Variants in CNTNAP2 observed in about 807,000 individuals in gnomAD.
The protein encoded by CNTNAP2 is contactin associated protein 2, also known as contactin-associated protein-like 2.
CNTNAP2 carries 98 observed loss-of-function variants against 155.2 expected under a neutral mutation model. The observed-to-expected ratio is 0.63, with a 90% CI of 0.54 to 0.75. The LOEUF is 0.75. CNTNAP2 is among the 30% of genes least tolerant of loss of function. The probability of loss-of-function intolerance (pLI) is 0.00; values close to 1 mark genes in which losing one functional copy is unlikely to be tolerated. For missense variants in CNTNAP2, 1,727 were observed against 1,688.1 expected (o/e 1.02, Z -0.40); for synonymous variants, 651 against 631.2 (o/e 1.03, Z -0.47).
At chr7:146,510,652 T>C (rs1797451839) in intron 1 of CNTNAP2, among the ~76,000 whole-genome samples, 1 of 152,188 alleles carries the variant, frequency 6.6e-6, no homozygotes, top group Non-Finnish European at 1.5e-5. Context: ...GGTTTGTTCT[T>C]CAATTTCTTT....
intron 13 of CNTNAP2, among the ~76,000 whole-genome samples, chr7:147,887,183 T>G (rs1338869832): frequency 6.6e-6 from 1 of 152,132 alleles, no homozygotes; most frequent in Non-Finnish European, 1.5e-5. Context: ...ATTTTTAAAA[T>G]GCATAAGGCC....
intron 3 of CNTNAP2, among the ~76,000 whole-genome samples, chr7:147,003,638 T>C: frequency 1.3e-5 from 2 of 152,018 alleles, no homozygotes; most frequent in East Asian, 3.9e-4. Context: ...ATATATAAGA[T>C]ATATATACAA....
chr7:147,052,573 A>G lies in CNTNAP2; in HGVS notation c.550+8519A>G, dbSNP rs147826454. 6.1e-3 allele frequency among the ~76,000 whole-genome samples: 922 copies of G among 152,230 alleles called. 7 individuals carry two copies. Among genetic ancestry groups the G allele is most frequent in the African/African-American group, 0.02 (848 of 41,570 alleles). ...TAATAATAGATGTTCAAACAGAGCTATAGACAGCAAATAACTCAGTGTTTT... is the reference window on the plus strand; with the variant it reads ...TAATAATAGATGTTCAAACAGAGCTGTAGACAGCAAATAACTCAGTGTTTT... On this transcript the variant is annotated intron_variant, in intron 4 of 23. Transcript: ENST00000361727.
At chr7:147,594,311 TG>T (rs1800789375) in intron 12 of CNTNAP2, among the ~76,000 whole-genome samples, 1 of 151,962 alleles carries the variant, frequency 6.6e-6, no homozygotes, top group Admixed American at 6.6e-5. Context: ...ATCTTGGGTT[TG>T]ATCTTCTGCT....
At chr7:147,177,612 T>G (rs942548432) in intron 8 of CNTNAP2, among the ~76,000 whole-genome samples, 1 of 152,200 alleles carries the variant, frequency 6.6e-6, no homozygotes, top group Non-Finnish European at 1.5e-5. Flanking sequence ...TCTAACACTT[T>G]AAGATAATAT....
intron 11 of CNTNAP2, among the ~76,000 whole-genome samples, chr7:147,553,742 C>T (rs1584808992): frequency 6.6e-6 from 1 of 151,978 alleles, no homozygotes; most frequent in Non-Finnish European, 1.5e-5. Flanking sequence ...AATCCCAGCA[C>T]TTTGGGAGGG....
chr7:146,631,242 T>A (rs1187496080), intron 1 of CNTNAP2, among the ~76,000 whole-genome samples: 1 of 152,108 alleles, frequency 6.6e-6, no homozygotes, highest in Non-Finnish European at 1.5e-5. Flanking sequence ...ACTGTGTTCT[T>A]AAAATATGAA....
chr7:147,802,169 T>A (rs1275679467), intron 13 of CNTNAP2, among the ~76,000 whole-genome samples: 25 of 138,922 alleles, frequency 1.8e-4, no homozygotes, highest in African/African-American at 5.8e-4. Flanking sequence ...GCTCCTCACA[T>A]CCCAGACGGG....
chr7:147,619,021 T>G (rs1284728921), intron 12 of CNTNAP2, among the ~76,000 whole-genome samples: 3 of 152,208 alleles, frequency 2.0e-5, no homozygotes, highest in African/African-American at 7.2e-5. Context: ...GTATGTTCCA[T>G]ACATGCCCAG....
At chr7:147,603,626 C>T (rs1156872023) in intron 12 of CNTNAP2, among the ~76,000 whole-genome samples, 3 of 150,846 alleles carry the variant, frequency 2.0e-5, no homozygotes, top group South Asian at 2.1e-4. Context: ...GAATCAATAT[C>T]GTGAAAATGG....
intron 19 of CNTNAP2, among the ~76,000 whole-genome samples, chr7:148,226,789 A>G (rs1795859976): frequency 6.6e-6 from 1 of 152,244 alleles, no homozygotes; most frequent in East Asian, 1.9e-4. Flanking sequence ...AACTATGCCA[A>G]TGTATAAAAC....
chr7:147,230,806 A>G (rs1415732699), intron 8 of CNTNAP2, among the ~76,000 whole-genome samples: 1 of 152,150 alleles, frequency 6.6e-6, no homozygotes, highest in African/African-American at 2.4e-5. Context: ...CTGAACTTTT[A>G]GATTCCACAT....
In CNTNAP2 at chr7:146,339,002, G is replaced by T. The variant is rs573690627; in HGVS notation, c.97+222029G>T. 2.0e-5 allele frequency among the ~76,000 whole-genome samples: 3 copies of T among 152,146 alleles called. No homozygotes were observed. The South Asian group carries it at 6.2e-4, about 32-fold the overall frequency. On this transcript the variant is annotated intron_variant, in intron 1 of 23. Coordinates refer to ENST00000361727, the MANE Select transcript of CNTNAP2 (RefSeq NM_014141.6). ...GTTCAAGACCAGCGTGGCCAACATG[G>T]TGAAACCCCTTCTCTAATAAAAAAA...
intron 1 of CNTNAP2, among the ~76,000 whole-genome samples, chr7:146,571,683 G>A (rs1798441677): frequency 6.6e-6 from 1 of 151,812 alleles, no homozygotes; most frequent in Non-Finnish European, 1.5e-5. Flanking sequence ...TTCTGCAGGC[G>A]ATAGTGTTGT....
In CNTNAP2 at chr7:147,224,594, T is replaced by C. The variant is rs1803479078; in HGVS notation, c.1349-75547T>C. On this transcript the variant is annotated intron_variant, in intron 8 of 23. Coordinates refer to ENST00000361727, the MANE Select transcript of CNTNAP2 (RefSeq NM_014141.6). ...TTCCAGGAAATCAAGTAAAGCAGAA[T>C]ATTATTAAGAAACCTTTAGTTAGAA... Among the ~76,000 whole-genome samples, 3 of 152,202 alleles carry C rather than the reference T, an allele frequency of 2.0e-5. No individual in the cohort carries two copies. The South Asian group carries it at 6.2e-4, about 32-fold the overall frequency.
intron 1 of CNTNAP2, among the ~76,000 whole-genome samples, chr7:146,661,951 A>AT (rs1159375362): frequency 6.6e-6 from 1 of 152,022 alleles, no homozygotes; most frequent in East Asian, 1.9e-4. Context: ...TGCTTTGCAT[A>AT]TTTGTCAGCA....
intron 14 of CNTNAP2, among the ~76,000 whole-genome samples, chr7:147,907,942 T>A (rs1232924609): frequency 6.6e-6 from 1 of 151,536 alleles, no homozygotes; most frequent in Non-Finnish European, 1.5e-5. Context: ...GCTAATTTTT[T>A]TTTTTTTGTA....
intron 8 of CNTNAP2, among the ~76,000 whole-genome samples, chr7:147,205,158 A>C (rs1478688462): frequency 6.6e-6 from 1 of 152,136 alleles, no homozygotes; most frequent in Non-Finnish European, 1.5e-5. Flanking sequence ...GGATAGTGAT[A>C]GTCTGATATT....
intron 1 of CNTNAP2, among the ~76,000 whole-genome samples, chr7:146,349,568 G>T (rs1343858267): frequency 6.6e-6 from 1 of 152,128 alleles, no homozygotes; most frequent in Non-Finnish European, 1.5e-5. Flanking sequence ...TAGCCTTGAT[G>T]GTCTTTACAT....
Sources: gnomAD v4.1 joint callset for allele counts (sites outside exome capture counted in the v4.1 genomes callset) on GRCh38, gnomAD v4.1.1 for gene constraint, MANE v1.5 for transcripts, NCBI Gene and HGNC (gene_info 2026-07-23, HGNC 2026-07-21) for gene names.